Variants in ABCB11 observed in about 807,000 individuals in gnomAD.
ABCB11 encodes the protein ATP binding cassette subfamily B member 11, also known as bile salt export pump.
ABCB11 carries 95 observed loss-of-function variants against 148.0 expected under a neutral mutation model. The observed-to-expected ratio is 0.64, with a 90% CI of 0.54 to 0.76. The LOEUF (loss-of-function observed/expected upper bound fraction) is 0.76. ABCB11 is among the 30% of genes least tolerant of loss of function. The pLI is 0.00. For synonymous variants in ABCB11, 591 were observed against 555.4 expected, an observed-to-expected ratio of 1.06 and a Z score of -0.90; for missense variants, 1,523 against 1,617.8, an observed-to-expected ratio of 0.94 and a Z score of 1.01.
intron 4 of ABCB11, among the ~76,000 whole-genome samples, chr2:169,013,810 T>C (rs1447530190): frequency 6.6e-6 from 1 of 152,162 alleles, no homozygotes; most frequent in Non-Finnish European, 1.5e-5. Context: ...ATCTACAACT[T>C]AGGGGAAAAT....
At chr2:168,958,404 A>G (rs1692898148) in intron 18 of ABCB11, among the ~76,000 whole-genome samples, 1 of 151,708 alleles carries the variant, frequency 6.6e-6, no homozygotes, top group Admixed American at 6.6e-5. Flanking sequence ...CTCAGAGAGT[A>G]ATAAATATGT....
intron 8 of ABCB11, 31 bp downstream of exon 8, chr2:168,993,679 TC>T: frequency 6.3e-7 from 1 of 1,590,832 alleles, no homozygotes; most frequent in Non-Finnish European, 8.6e-7. Context: ...GCAAATGTCT[TC>T]CCATGGAGAG....
intron 4 of ABCB11, 66 bp downstream of exon 4, chr2:169,014,237 T>TGGTGG: frequency 6.9e-7 from 1 of 1,440,324 alleles, no homozygotes; most frequent in Non-Finnish European, 9.8e-7. Flanking sequence ...GATTTAACAC[T>TGGTGG]CCCCTCATGA....
At chr2:169,012,004 C>A (rs762933438) in intron 5 of ABCB11, among the ~76,000 whole-genome samples, 15 of 152,030 alleles carry the variant, frequency 9.9e-5, no homozygotes, top group Non-Finnish European at 2.2e-4. Flanking sequence ...TTGATGCTTT[C>A]ATGAGTTCCT....
intron 25 of ABCB11, 86 bp downstream of exon 25, chr2:168,930,579 T>G: frequency 8.5e-7 from 1 of 1,179,722 alleles, no homozygotes; most frequent in Non-Finnish European, 1.1e-6. Context: ...AAAGTGAGTC[T>G]GGCAAAGCAA....
chr2:168,945,734 T>G (rs1692279145), intron 19 of ABCB11, among the ~76,000 whole-genome samples: 1 of 151,804 alleles, frequency 6.6e-6, no homozygotes, highest in Non-Finnish European at 1.5e-5. Flanking sequence ...TGTATTAATA[T>G]TTTGACCGAT....
chr2:169,023,261 T>A (rs1470142565), intron 1 of ABCB11, among the ~76,000 whole-genome samples: 2 of 152,214 alleles, frequency 1.3e-5, no homozygotes, highest in African/African-American at 4.8e-5. Context: ...TGGCATTTAA[T>A]ACGTGGCAGG....
rs58414999 is a variant in ABCB11 at position 168,921,863 on chromosome 2, C to CTTTTTTT, written c.*1752_*1758dup. Among the ~76,000 whole-genome samples the CTTTTTTT allele has an allele frequency of 5.7e-5, 7 of 123,888 alleles. No homozygotes were observed. Among genetic ancestry groups the CTTTTTTT allele is most frequent in the East Asian group, 2.3e-4 (1 of 4,324 alleles). 81.3% of individuals were successfully genotyped at this position (123,888 alleles called of 152,430 possible). On this transcript the variant is annotated 3_prime_UTR_variant, in exon 28 of 28. Coordinates refer to ENST00000650372, the MANE Select transcript of ABCB11 (RefSeq NM_003742.4). ...CTTGACCTCTTTTCTTTTTCTTTTT[C>CTTTTTTT]TTTTTTTTTTTTTTTCGCTCTGTCG...
chr2:169,013,483 A>G lies in ABCB11; in HGVS notation c.178T>C (p.Trp60Arg). The G allele has an allele frequency of 6.2e-7, 1 of 1,613,508 alleles. No homozygotes were observed. The highest frequency in any genetic ancestry group is 8.5e-7 in the Non-Finnish European group (1 of 1,179,604). The change falls in exon 5 of 28, where the codon TGG becomes CGG. Residue 60 changes from tryptophan to arginine, a missense_variant. Physicochemically the swap from Trp to Arg is moderately radical, Grantham distance 101 (BLOSUM62 -3). Coordinates refer to ENST00000650372, the MANE Select transcript of ABCB11 (RefSeq NM_003742.4). The part of the protein sequence containing the change: ...LFRFSSSTDI[W>R]LMFVGSLCAF... The stretch of plus-strand genomic sequence containing the variant: ...CACAAACTTCCCACAAACATCAGCC[A>G]AATGTCAGTTGATGAAGAAAACCGA...
chr2:168,960,508 T>G (rs1693020860), intron 18 of ABCB11, among the ~76,000 whole-genome samples: 1 of 151,704 alleles, frequency 6.6e-6, no homozygotes, highest in Admixed American at 6.6e-5. Context: ...TATCCTTAAC[T>G]CTAAACAACA....
rs1174648152 is a variant in ABCB11, at chr2:168,971,791, CT to C, written c.1638+55del. 4.9e-5 allele frequency: 76 copies of C among 1,537,630 alleles called. No homozygotes were observed. The Middle Eastern group carries it at 6.3e-4, about 13-fold the overall frequency. ...AGAAGAAATGTGTATAATTGTGCAA[CT>C]TTTTTTCCTTCTATGACCTCTTAGT... On this transcript the variant is annotated intron_variant, in intron 14 of 27. Transcript: ENST00000650372.
At chr2:168,996,894 ATC>A (rs1241392903) in intron 5 of ABCB11, among the ~76,000 whole-genome samples, 172 bp from the exon 6 acceptor site, 1 of 150,170 alleles carries the variant, frequency 6.7e-6, no homozygotes. Flanking sequence ...AAGACATTTT[ATC>A]TATGCAAAAT....
chr2:169,012,638 G>A (rs916959270), intron 5 of ABCB11, among the ~76,000 whole-genome samples: 61 of 151,420 alleles, frequency 4.0e-4, no homozygotes, highest in Admixed American at 2.5e-3. Context: ...TACTCAGGAG[G>A]CTGAGTCATG....
downstream of ABCB11, among the ~76,000 whole-genome samples, chr2:168,917,957 G>T (rs755165735): frequency 6.6e-6 from 1 of 152,148 alleles, no homozygotes; most frequent in East Asian, 1.9e-4. Flanking sequence ...GGATATTTTT[G>T]ATTACATGTT....
At chr2:168,974,022 G>A (rs1344819216) in intron 12 of ABCB11, among the ~76,000 whole-genome samples, 182 bp from the exon 13 acceptor site, 2 of 151,972 alleles carry the variant, frequency 1.3e-5, no homozygotes, top group Non-Finnish European at 2.9e-5. Context: ...TGGCAAGGAT[G>A]AGGTTTTGGC....
chr2:169,023,262 A>T (rs1254057274), intron 1 of ABCB11, among the ~76,000 whole-genome samples: 2 of 152,222 alleles, frequency 1.3e-5, no homozygotes, highest in African/African-American at 4.8e-5. Flanking sequence ...GGCATTTAAT[A>T]CGTGGCAGGC....
At chr2:168,991,062 A>T (rs1694503566) in intron 8 of ABCB11, 137 bp from the exon 9 acceptor site, 1 of 1,117,086 alleles carries the variant, frequency 9.0e-7, no homozygotes, top group Admixed American at 2.8e-5. Flanking sequence ...TGACAGGAGG[A>T]AGAAATCTGG....
intron 8 of ABCB11, 52 bp from the exon 9 acceptor site, chr2:168,990,977 G>C (rs894961342): frequency 1.3e-6 from 2 of 1,583,428 alleles, no homozygotes; most frequent in Admixed American, 1.7e-5. Flanking sequence ...AATTAGGTAA[G>C]TCAGTCTGTC....
At chr2:169,025,174 TAAA>T (rs2106072822) in intron 1 of ABCB11, among the ~76,000 whole-genome samples, 1 of 152,344 alleles carries the variant, frequency 6.6e-6, no homozygotes. Context: ...GCTCTCCATT[TAAA>T]AAGATTTCTT....
Sources: allele counts gnomAD v4.1 joint callset (sites outside exome capture counted in the v4.1 genomes callset), GRCh38; gene constraint gnomAD v4.1.1; transcripts MANE v1.5; gene names NCBI Gene and HGNC (gene_info 2026-07-23, HGNC 2026-07-21).